The following GPR158 variants were observed in gnomAD, a reference collection of about 807,000 sequenced individuals.
GPR158 encodes the protein metabotropic glycine receptor.
GPR158 carries 30 observed loss-of-function variants against 78.2 expected under a neutral mutation model. That is an observed-to-expected ratio of 0.38 (90% confidence interval 0.29 to 0.52). GPR158 has a LOEUF of 0.52. Ranked by LOEUF, GPR158 falls within the 20% of genes least tolerant of loss-of-function variation. The pLI is 0.83. For synonymous variants in GPR158, 581 were observed against 591.1 expected (o/e 0.98, Z 0.25); for missense variants, 1,463 against 1,523.5 (o/e 0.96, Z 0.66).
chr10:25,560,817 AGAT>A (rs1836850387), intron 6 of GPR158, among the ~76,000 whole-genome samples: 2 of 152,216 alleles, frequency 1.3e-5, no homozygotes, highest in Admixed American at 6.5e-5. Flanking sequence ...TTATAAAATT[AGAT>A]GGAAACTTTC....
chr10:25,326,073 C>A (rs559064665), intron 2 of GPR158, among the ~76,000 whole-genome samples: 1 of 152,246 alleles, frequency 6.6e-6, no homozygotes, highest in Admixed American at 6.5e-5. Flanking sequence ...TTAAGGCCAG[C>A]ATCCATTAGC....
At chr10:25,470,509 A>G (rs1351061905) in intron 5 of GPR158, among the ~76,000 whole-genome samples, 1 of 152,198 alleles carries the variant, frequency 6.6e-6, no homozygotes, top group African/African-American at 2.4e-5. Context: ...TAAATTACCC[A>G]GTCTCAGGTA....
intron 5 of GPR158, among the ~76,000 whole-genome samples, chr10:25,543,113 AT>A (rs1836610426): frequency 2.0e-5 from 3 of 151,934 alleles, no homozygotes; most frequent in African/African-American, 7.3e-5. Context: ...AATACTTTTT[AT>A]TTTTTATTTT....
intron 2 of GPR158, among the ~76,000 whole-genome samples, chr10:25,319,196 G>A (rs779283620): frequency 1.3e-5 from 2 of 152,042 alleles, no homozygotes; most frequent in Non-Finnish European, 2.9e-5. Flanking sequence ...ACTCTTCTGA[G>A]GTGTCATATC....
intron 7 of GPR158, among the ~76,000 whole-genome samples, chr10:25,588,494 T>C (rs570790720): frequency 6.6e-6 from 1 of 152,360 alleles, no homozygotes; most frequent in African/African-American, 2.4e-5. Context: ...TTATAAAATA[T>C]GCCACTGAAT....
At chr10:25,410,540 T>C (rs1401364717) in intron 3 of GPR158, among the ~76,000 whole-genome samples, 1 of 152,010 alleles carries the variant, frequency 6.6e-6, no homozygotes, top group Non-Finnish European at 1.5e-5. Flanking sequence ...CACTTGAACC[T>C]AGGAGGCAGA....
chr10:25,377,743 T>C (rs1255195566), intron 2 of GPR158, among the ~76,000 whole-genome samples: 1 of 152,160 alleles, frequency 6.6e-6, no homozygotes, highest in East Asian at 1.9e-4. Context: ...TATTCCATTA[T>C]ATGGATAAAC....
chr10:25,234,461 C>G (rs1490825048), intron 2 of GPR158, among the ~76,000 whole-genome samples: 2 of 152,178 alleles, frequency 1.3e-5, no homozygotes, highest in Non-Finnish European at 2.9e-5. Flanking sequence ...TTTATTATTT[C>G]ACTTATATAG....
At chr10:25,203,313 C>T (rs564873968) in intron 1 of GPR158, among the ~76,000 whole-genome samples, 20 of 152,286 alleles carry the variant, frequency 1.3e-4, no homozygotes, top group African/African-American at 3.1e-4. Flanking sequence ...GTGTTTTAGT[C>T]GTGAAGTCCT....
intron 1 of GPR158, among the ~76,000 whole-genome samples, chr10:25,219,172 C>G (rs192164979): frequency 3.0e-4 from 46 of 152,310 alleles, no homozygotes; most frequent in Non-Finnish European, 5.7e-4. Context: ...TATTGAAGCC[C>G]TACGTTACTC....
chr10:25,218,474 T>C (rs943382515), intron 1 of GPR158, among the ~76,000 whole-genome samples: 1 of 152,218 alleles, frequency 6.6e-6, no homozygotes, highest in African/African-American at 2.4e-5. Flanking sequence ...GATGTCTGAG[T>C]AAGCTGGAAG....
chr10:25,570,783 G>A (rs535446331), intron 6 of GPR158, among the ~76,000 whole-genome samples: 107 of 152,082 alleles, frequency 7.0e-4, no homozygotes, highest in Non-Finnish European at 1.3e-3. Context: ...CAGGCATGGT[G>A]GCACATGCCT....
chr10:25,593,880 CTG>C (rs1837370392), intron 8 of GPR158, among the ~76,000 whole-genome samples: 1 of 151,982 alleles, frequency 6.6e-6, no homozygotes, highest in African/African-American at 2.4e-5. Context: ...TTAATTATAA[CTG>C]TTTTTAAACA....
intron 7 of GPR158, among the ~76,000 whole-genome samples, chr10:25,573,893 G>A (rs908751484): frequency 6.0e-5 from 9 of 150,952 alleles, no homozygotes; most frequent in Non-Finnish European, 1.5e-5. Context: ...ATATGGGTAT[G>A]TAAAGGGAAT....
At chr10:25,207,464 G>T (rs1853058680) in intron 1 of GPR158, among the ~76,000 whole-genome samples, 1 of 152,134 alleles carries the variant, frequency 6.6e-6, no homozygotes, top group Non-Finnish European at 1.5e-5. Context: ...AAGGGGGATG[G>T]TTTCAGGATG....
chr10:25,287,306 C>T (rs1160159860), intron 2 of GPR158, among the ~76,000 whole-genome samples: 2 of 151,926 alleles, frequency 1.3e-5, no homozygotes, highest in Non-Finnish European at 2.9e-5. Context: ...TCTTTCTTGA[C>T]CCTCCACCAG....
Position 25,431,583 on chromosome 10 carries a change from A to C in GPR158, c.1335+19110A>C, listed in dbSNP as rs36176199. Among the ~76,000 whole-genome samples, 201 of 134,042 alleles carry C rather than the reference A, an allele frequency of 1.5e-3. 2 individuals carry two copies. The highest frequency in any genetic ancestry group is 2.7e-3 in the Non-Finnish European group (161 of 60,550). 87.9% of individuals were successfully genotyped at this position (134,042 alleles called of 152,430 possible). A position where few individuals can be genotyped will look rare whatever the true frequency, so the allele number is the denominator to read the frequency against. On this transcript the variant is annotated intron_variant, in intron 4 of 10. Transcript: ENST00000376351. ...ACGTATGTTTATTGTGGCACTATTC[A>C]CAATAGCAAAGACTTGGAACCAACC...
chr10:25,368,002 G>A (rs1305354956), intron 2 of GPR158, among the ~76,000 whole-genome samples: 1 of 151,848 alleles, frequency 6.6e-6, no homozygotes, highest in Non-Finnish European at 1.5e-5. Flanking sequence ...AACTTCAAGT[G>A]CCAGAGAATT....
chr10:25,212,817 A>T (rs990443869), intron 1 of GPR158, among the ~76,000 whole-genome samples: 1 of 151,936 alleles, frequency 6.6e-6, no homozygotes, highest in Non-Finnish European at 1.5e-5. Context: ...TTTTTATTAA[A>T]GACGGGGTTT....
Sources: gnomAD v4.1 joint callset for allele counts (sites outside exome capture counted in the v4.1 genomes callset) on GRCh38, gnomAD v4.1.1 for gene constraint, MANE v1.5 for transcripts, NCBI Gene and HGNC (gene_info 2026-07-23, HGNC 2026-07-21) for gene names.